Variants in TMTC1 observed in about 807,000 individuals in gnomAD.
TMTC1 encodes protein O-mannosyl-transferase TMTC1.
A neutral mutation model predicts 104.8 loss-of-function variants in TMTC1; 73 were observed. The observed-to-expected ratio is 0.70, with a 90% CI of 0.58 to 0.85. TMTC1 has a LOEUF of 0.85. Among genes scored for constraint, TMTC1 ranks in the 40% least tolerant of loss-of-function variants. The probability of loss-of-function intolerance (pLI) is 0.00; values close to 1 mark genes in which losing one functional copy is unlikely to be tolerated. For missense variants in TMTC1, 1,035 were observed against 1,096.1 expected (o/e 0.94, Z 0.79); for synonymous variants, 434 against 428.7 (o/e 1.01, Z -0.15).
intron 5 of TMTC1, among the ~76,000 whole-genome samples, chr12:29,653,240 A>G (rs951740336): frequency 3.3e-5 from 5 of 152,166 alleles, no homozygotes; most frequent in African/African-American, 4.8e-5. Context: ...TGAGGAGAGT[A>G]AACTGTGAGG....
At chr12:29,566,012 CAATT>C (rs1945502650) in intron 9 of TMTC1, among the ~76,000 whole-genome samples, 1 of 152,096 alleles carries the variant, frequency 6.6e-6, no homozygotes, top group South Asian at 2.1e-4. Context: ...GAGGGACACA[CAATT>C]AACAAAACGA....
intron 5 of TMTC1, chr12:29,659,769 C>T: frequency 4.2e-6 from 3 of 719,132 alleles, no homozygotes; most frequent in East Asian, 2.8e-5. Flanking sequence ...TTCTTTTCTC[C>T]CCACATGGAG....
intron 9 of TMTC1, among the ~76,000 whole-genome samples, chr12:29,558,114 A>G (rs574367591): frequency 6.0e-4 from 91 of 152,168 alleles, no homozygotes; most frequent in Non-Finnish European, 1.0e-3. Flanking sequence ...ACTCAAAACT[A>G]TACAGAAGCC....
chr12:29,643,694 T>TAA lies in TMTC1; in HGVS notation c.939-10359_939-10358insTT, dbSNP rs1350739627. Reference sequence around the variant, plus strand: ...ATATATCTATATATTATATATATTATATATATTATATATTATATATATAAT... The same window carrying TAA: ...ATATATCTATATATTATATATATTATAAATATATTATATATTATATATATAAT... On this transcript the variant is annotated intron_variant, in intron 5 of 17. Transcript: ENST00000539277. Among the ~76,000 whole-genome samples, 87 of 42,212 alleles carry TAA rather than the reference T, an allele frequency of 2.1e-3. 27 individuals are homozygous for TAA. The highest frequency in any genetic ancestry group is 9.3e-3 in the African/African-American group (85 of 9,116). The allele number at this position is 42,212 out of a possible 152,430, so 27.7% of individuals were successfully genotyped here. A position where few individuals can be genotyped will look rare whatever the true frequency, so the allele number is the denominator to read the frequency against.
At chr12:29,719,322 TCTTTGTGA>T (rs1344984598) in intron 5 of TMTC1, among the ~76,000 whole-genome samples, 1 of 152,174 alleles carries the variant, frequency 6.6e-6, no homozygotes. Context: ...TGGAATTTCT[TCTTTGTGA>T]ATACTTGGAT....
At chr12:29,686,615 C>A (rs903050091) in intron 5 of TMTC1, among the ~76,000 whole-genome samples, 1 of 152,196 alleles carries the variant, frequency 6.6e-6, no homozygotes. Context: ...TGCTCTCCAA[C>A]CCATAGCTAT....
At chr12:29,652,130 A>G (rs1159226285) in intron 5 of TMTC1, among the ~76,000 whole-genome samples, 4 of 152,198 alleles carry the variant, frequency 2.6e-5, no homozygotes, top group Non-Finnish European at 5.9e-5. Flanking sequence ...GGTTGGCACA[A>G]AAAAAGGAAA....
At chr12:29,748,922 T>A (rs302330) in intron 5 of TMTC1, among the ~76,000 whole-genome samples, 52,419 of 152,086 alleles carry the variant, frequency 0.34, 9,099 homozygotes, top group African/African-American at 0.37. Context: ...TTGAGTTGGC[T>A]TTTTGCTTCA....
chr12:29,586,494 G>A (rs1946137414), intron 7 of TMTC1, among the ~76,000 whole-genome samples: 1 of 152,134 alleles, frequency 6.6e-6, no homozygotes, highest in Non-Finnish European at 1.5e-5. Context: ...TGGTGAGAGA[G>A]GACATCCCTG....
At chr12:29,630,858 C>A (rs990773840) in intron 6 of TMTC1, among the ~76,000 whole-genome samples, 2 of 152,112 alleles carry the variant, frequency 1.3e-5, no homozygotes, top group Non-Finnish European at 2.9e-5. Context: ...ATGTCTGAAT[C>A]ATTTTTTATT....
chr12:29,683,529 T>A (rs1940989744), intron 5 of TMTC1, among the ~76,000 whole-genome samples: 1 of 152,238 alleles, frequency 6.6e-6, no homozygotes, highest in Non-Finnish European at 1.5e-5. Context: ...CTTTTGTGTG[T>A]CTACGTGTGT....
chr12:29,755,696 T>C lies in TMTC1; in HGVS notation c.731+13A>G, dbSNP rs757227566. ...GACATGCCATTTGATATCAAAACTG[T>C]AAAATGACTTACGACTTGTCTTGCT... On this transcript the variant is annotated intron_variant, in intron 4 of 17. Coordinates refer to ENST00000539277, the MANE Select transcript of TMTC1 (RefSeq NM_001193451.2). 1.2e-6 allele frequency: 2 copies of C among 1,608,038 alleles called. No homozygotes were observed. The highest frequency in any genetic ancestry group is 1.7e-6 in the Non-Finnish European group (2 of 1,176,020).
rs183163200 is a variant in TMTC1, at chr12:29,736,714, G to C, written c.938+14952C>G. Among the ~76,000 whole-genome samples the C allele has an allele frequency of 2.3e-3, 356 of 152,200 alleles. 2 individuals carry two copies. The Middle Eastern group carries it at 0.037, about 16-fold the overall frequency. Reference sequence around the variant, plus strand: ...ATTACAGGCGTAAGCCACCAGGCCCGGCCTAAATTCTCTCTCTTAAAAAAC... The same window carrying C: ...ATTACAGGCGTAAGCCACCAGGCCCCGCCTAAATTCTCTCTCTTAAAAAAC... On this transcript the variant is annotated intron_variant, in intron 5 of 17. Coordinates refer to ENST00000539277, the MANE Select transcript of TMTC1 (RefSeq NM_001193451.2).
intron 5 of TMTC1, among the ~76,000 whole-genome samples, chr12:29,675,989 CTGA>C (rs1326243711): frequency 6.6e-6 from 1 of 152,152 alleles, no homozygotes; most frequent in Non-Finnish European, 1.5e-5. Flanking sequence ...CTAACAGAAG[CTGA>C]TATTTCAAAA....
At chr12:29,612,885 A>T (rs1238877662) in intron 6 of TMTC1, among the ~76,000 whole-genome samples, 1 of 152,228 alleles carries the variant, frequency 6.6e-6, no homozygotes, top group Admixed American at 6.5e-5. Context: ...TGACATATGA[A>T]ATCAAATACT....
intron 6 of TMTC1, among the ~76,000 whole-genome samples, chr12:29,605,554 A>T (rs1946674961): frequency 6.8e-6 from 1 of 147,760 alleles, no homozygotes; most frequent in Non-Finnish European, 1.5e-5. Context: ...TGATCTACCA[A>T]AACTGACCAA....
At chr12:29,777,107 A>ATT (rs5797341) in intron 1 of TMTC1, among the ~76,000 whole-genome samples, 4 of 151,492 alleles carry the variant, frequency 2.6e-5, no homozygotes, top group East Asian at 2.0e-4. Context: ...CTCTCTTTTT[A>ATT]TTTTTTTTAA....
intron 2 of TMTC1, among the ~76,000 whole-genome samples, chr12:29,765,571 C>T (rs989594565): frequency 6.6e-6 from 1 of 151,944 alleles, no homozygotes; most frequent in African/African-American, 2.4e-5. Context: ...GACCATAAGC[C>T]TCTAAGTGTT....
intron 5 of TMTC1, among the ~76,000 whole-genome samples, chr12:29,704,462 C>A (rs1941685631): frequency 2.0e-5 from 3 of 152,272 alleles, no homozygotes; most frequent in East Asian, 3.9e-4. Context: ...GAATAGCCTA[C>A]CTGGTTACTT....
Sources: allele counts gnomAD v4.1 joint callset (sites outside exome capture counted in the v4.1 genomes callset), GRCh38; gene constraint gnomAD v4.1.1; transcripts MANE v1.5; gene names NCBI Gene and HGNC (gene_info 2026-07-23, HGNC 2026-07-21).